Variants in APC observed in about 807,000 individuals in gnomAD.
The protein encoded by APC is adenomatous polyposis coli protein.
Under a neutral mutation model 247.0 loss-of-function variants are expected in APC, and 72 were observed. The observed-to-expected ratio is 0.29, with a 90% CI of 0.24 to 0.35. APC has a LOEUF of 0.35. Ranked by LOEUF, APC falls within the 10% of genes least tolerant of loss-of-function variation. APC has a pLI of 1.00. For synonymous variants in APC, 1,254 were observed against 1,162.5 expected, an observed-to-expected ratio of 1.08 and a Z score of -1.60; for missense variants, 3,400 against 3,360.7, an observed-to-expected ratio of 1.01 and a Z score of -0.29.
rs751979068 is a variant in APC, at chr5:112,841,996, C to T, written c.6402C>T (p.Ser2134=). 1 of 1,613,080 alleles carries T rather than the reference C, an allele frequency of 6.2e-7. No individual in the cohort carries two copies. The highest frequency in any genetic ancestry group is 1.1e-5 in the South Asian group (1 of 91,048). Reference sequence around the variant, plus strand: ...GACAAGCTTCGTCTGATTCAGATTCCATCCTTTCCCTGAAATCAGGAATCT... The same window carrying T: ...GACAAGCTTCGTCTGATTCAGATTCTATCCTTTCCCTGAAATCAGGAATCT... ...LSRQASSDSD[S]ILSLKSGISL... Residue 2134 remains serine (S), a synonymous_variant, in exon 16 of 16, where the codon TCC becomes TCT. Coordinates refer to ENST00000257430, the MANE Select transcript of APC (RefSeq NM_000038.6). The surrounding 1 kb of genome is among the most constrained non-coding windows in gnomAD (Gnocchi z 4.6).
chr5:112,749,938 G>T, intron 1 of APC, among the ~76,000 whole-genome samples: 1 of 144,842 alleles, frequency 6.9e-6, no homozygotes, highest in South Asian at 2.2e-4. Flanking sequence ...TCCAACTTTT[G>T]GATGGTTTTC....
chr5:112,716,723 A>G (rs1751192440), intron 1 of APC, among the ~76,000 whole-genome samples: 1 of 152,228 alleles, frequency 6.6e-6, no homozygotes, highest in Non-Finnish European at 1.5e-5. Context: ...CTATGCTATT[A>G]GATGCATAGA....
chr5:112,759,672 A>T (rs182223726), intron 2 of APC, among the ~76,000 whole-genome samples: 1,578 of 152,220 alleles, frequency 0.01, 13 homozygotes, highest in Non-Finnish European at 0.016. Context: ...TAATTTTCTA[A>T]TGTTTCTAAA....
At chr5:112,797,411 C>T (rs1330457776) in intron 7 of APC, among the ~76,000 whole-genome samples, 1 of 152,204 alleles carries the variant, frequency 6.6e-6, no homozygotes, top group Non-Finnish European at 1.5e-5. Context: ...GGAAAAGCTT[C>T]TGCCAAATAA....
At chr5:112,815,446 A>G in intron 8 of APC, 49 bp from the exon 9 acceptor site, 1 of 1,355,654 alleles carries the variant, frequency 7.4e-7, no homozygotes, top group Non-Finnish European at 1.1e-6. Context: ...TGTTATCTGT[A>G]TTTACCTATA....
rs142484187 is a variant in APC at position 112,836,819 on chromosome 5, G to C, written c.1959-734G>C. ...CCTCCCAAGTGATTCTCCTGGCTCAGCCTCCTGAGTAGCTGGGACTACAGG... is the reference window on the plus strand; with the variant it reads ...CCTCCCAAGTGATTCTCCTGGCTCACCCTCCTGAGTAGCTGGGACTACAGG... On this transcript the variant is annotated intron_variant, in intron 15 of 15. Coordinates refer to ENST00000257430, the MANE Select transcript of APC (RefSeq NM_000038.6). Among the ~76,000 whole-genome samples the C allele has an allele frequency of 3.1e-3, 478 of 151,996 alleles. 8 individuals carry two copies. The highest frequency in any genetic ancestry group is 0.023 in the Admixed American group (358 of 15,274).
chr5:112,791,198 A>T (rs1759544193), intron 6 of APC, among the ~76,000 whole-genome samples: 1 of 152,178 alleles, frequency 6.6e-6, no homozygotes, highest in Admixed American at 6.5e-5. Context: ...CATTGTTTCC[A>T]TTCCATGTGG....
Position 112,843,220 on chromosome 5 carries a change from T to C in APC, c.7626T>C (p.Asn2542=), listed in dbSNP as rs1114167553. The C allele has an allele frequency of 1.2e-6, 2 of 1,613,848 alleles. No homozygotes were observed. The highest frequency in any genetic ancestry group is 1.7e-6 in the Non-Finnish European group (2 of 1,179,776). The change falls in exon 16 of 16, where the codon AAT becomes AAC. Residue 2542 remains asparagine, a synonymous_variant. Coordinates refer to ENST00000257430, the MANE Select transcript of APC (RefSeq NM_000038.6). This position sits in a 1 kb window ranked among gnomAD's most constrained non-coding sequence, Gnocchi z 4.8. The part of the protein sequence containing the change: ...HSESPSRLPI[N]RSGTWKREHS... ...AAAGTCCTTCTAGACTTCCAATCAA[T>C]AGGTCAGGAACCTGGAAACGTGAGC...
intron 4 of APC, among the ~76,000 whole-genome samples, chr5:112,775,164 T>G (rs1323438100): frequency 1.3e-5 from 2 of 152,226 alleles, no homozygotes; most frequent in Non-Finnish European, 2.9e-5. Flanking sequence ...AGTATATTTC[T>G]TATTATTTTG....
chr5:112,784,054 A>G (rs1033939331), intron 6 of APC, among the ~76,000 whole-genome samples: 2 of 151,940 alleles, frequency 1.3e-5, no homozygotes, highest in Admixed American at 1.3e-4. Flanking sequence ...TCTACCTTTA[A>G]ATCTTTTTTG....
In APC at chr5:112,828,056, G is replaced by A. The variant is rs1220366260; in HGVS notation, c.1626+50G>A. The A allele has an allele frequency of 4.7e-6, 7 of 1,479,658 alleles. No homozygotes were observed. The East Asian group carries it at 1.1e-4, about 24-fold the overall frequency. The allele number at this position is 1,479,658 out of a possible 1,614,324, so 91.7% of individuals were successfully genotyped here. On this transcript the variant is annotated intron_variant, in intron 13 of 15. Transcript: ENST00000257430. ...TTTCTTTTTTCTCTTTTTCTTTGAG[G>A]CAGGGTCTCACTCTGTCACCCAGGC...
intron 1 of APC, among the ~76,000 whole-genome samples, chr5:112,742,456 T>A (rs1753149132): frequency 6.6e-6 from 1 of 152,234 alleles, no homozygotes; most frequent in Admixed American, 6.5e-5. Flanking sequence ...AGTTGGATGG[T>A]CTGACTGAGG....
chr5:112,783,015 A>G (rs1379753702), intron 6 of APC, among the ~76,000 whole-genome samples: 2 of 152,238 alleles, frequency 1.3e-5, no homozygotes, highest in African/African-American at 2.4e-5. Flanking sequence ...ACTTTGGTTT[A>G]TATGAATTTG....
Position 112,745,512 on chromosome 5 carries a change from TAAGTA to T in APC, c.-19+7594_-19+7598del, listed in dbSNP as rs567580759. 5.2e-3 allele frequency among the ~76,000 whole-genome samples: 791 copies of T among 151,820 alleles called. 9 individuals carry two copies. Among genetic ancestry groups the T allele is most frequent in the African/African-American group, 0.018 (738 of 41,526 alleles). On this transcript the variant is annotated intron_variant, in intron 1 of 15. Coordinates refer to ENST00000257430, the MANE Select transcript of APC (RefSeq NM_000038.6). ...AGGATGAAACGAATAAGTGAATGTT[TAAGTA>T]AAGTAAGGAAATAAATGAATTAATA...
intron 4 of APC, among the ~76,000 whole-genome samples, chr5:112,773,381 G>A (rs1757266704): frequency 1.3e-5 from 2 of 152,064 alleles, no homozygotes; most frequent in Non-Finnish European, 2.9e-5. Flanking sequence ...AAATCGGACT[G>A]CATGGAAATC....
chr5:112,777,789 C>G, intron 5 of APC: 1 of 256,992 alleles, frequency 3.9e-6, no homozygotes, highest in Non-Finnish European at 8.2e-6. Context: ...CAGCAGTTCT[C>G]CACTGCTGTC....
chr5:112,770,693 G>C (rs1756939961), intron 4 of APC, among the ~76,000 whole-genome samples: 1 of 152,070 alleles, frequency 6.6e-6, no homozygotes, highest in Non-Finnish European at 1.5e-5. Context: ...CCATGAGATA[G>C]TTACTTCTAT....
Position 112,839,366 on chromosome 5 carries a change from A to G in APC, c.3772A>G (p.Thr1258Ala), listed in dbSNP as rs774968240. Residue 1258 changes from threonine to alanine, a missense_variant, in exon 16 of 16, where the codon ACA becomes GCA. Thr to Ala is a moderately conservative substitution (Grantham distance 58, BLOSUM62 0). Coordinates refer to ENST00000257430, the MANE Select transcript of APC (RefSeq NM_000038.6). The surrounding 1 kb of genome is among the most constrained non-coding windows in gnomAD (Gnocchi z 5.0). ...CAAAGTTTCTTCTATTAACCAAGAA[A>G]CAATACAGACTTATTGTGTAGAAGA... is the stretch of plus-strand genomic sequence containing the variant. The part of the protein sequence containing the change: ...TCKVSSINQE[T>A]IQTYCVEDTP... The G allele has an allele frequency of 3.1e-6, 5 of 1,613,640 alleles. No homozygotes were observed. Among genetic ancestry groups the G allele is most frequent in the East Asian group, 2.2e-5 (1 of 44,884 alleles).
Position 112,836,165 on chromosome 5 carries a change from T to TCCCCCCCCCCCCCCCCC in APC, c.1958+1014_1958+1015insCCCCCCCCCCCCCCCCC, listed in dbSNP as rs59050067. 9.0e-4 allele frequency among the ~76,000 whole-genome samples: 22 copies of TCCCCCCCCCCCCCCCCC among 24,490 alleles called. 3 individuals carry two copies. Among genetic ancestry groups the TCCCCCCCCCCCCCCCCC allele is most frequent in the African/African-American group, 1.4e-3 (13 of 9,572 alleles). The allele number at this position is 24,490 out of a possible 152,430, so 16.1% of individuals were successfully genotyped here. On this transcript the variant is annotated intron_variant, in intron 15 of 15. Transcript: ENST00000257430. ...CCTCCCGAGTAGCTGGGATTACAGG[T>TCCCCCCCCCCCCCCCCC]CCCCCCCCCCCCCCGCCACCGTGCC...
Sources: allele counts gnomAD v4.1 joint callset (sites outside exome capture counted in the v4.1 genomes callset), GRCh38; gene constraint gnomAD v4.1.1; non-coding constraint Gnocchi (gnomAD v3.1); transcripts MANE v1.5; gene names NCBI Gene and HGNC (gene_info 2026-07-23, HGNC 2026-07-21).